SLC12A3: variants seen among roughly 807,000 people sequenced by gnomAD.
SLC12A3 encodes Na-Cl cotransporter.
Under a neutral mutation model 121.0 loss-of-function variants are expected in SLC12A3, and 104 were observed. The observed-to-expected ratio is 0.86, with a 90% CI of 0.73 to 1.01. The LOEUF is 1.01. SLC12A3 is among the 50% of genes least tolerant of loss of function. SLC12A3 has a pLI of 0.00. For missense variants in SLC12A3, 1,328 were observed against 1,356.3 expected (o/e 0.98, Z 0.33); for synonymous variants, 536 against 533.4 (o/e 1.00, Z -0.07).
chr16:56,897,900 C>T (rs925414675), intron 22 of SLC12A3, among the ~76,000 whole-genome samples: 2 of 152,170 alleles, frequency 1.3e-5, no homozygotes, highest in Admixed American at 6.5e-5. Context: ...ACAAATCTGC[C>T]CACGGCTCTG....
At chr16:56,872,889 A>T in intron 8 of SLC12A3, 103 bp downstream of exon 8, 1 of 1,496,886 alleles carries the variant, frequency 6.7e-7, no homozygotes, top group East Asian at 2.3e-5. Flanking sequence ...CCTGGGAGGC[A>T]GGGCTTCTAA....
At chr16:56,878,020 G>GTCCCTCCCTCCGTCTCTCCCTCCC (rs2055185649) in intron 8 of SLC12A3, 57 bp from the exon 9 acceptor site, 1 of 586,450 alleles carries the variant, frequency 1.7e-6, no homozygotes, top group South Asian at 2.0e-5. Context: ...AATGTCCTCC[G>GTCCCTCCCTCCGTCTCTCCCTCCC]TCCCTCCCTC....
rs1307520026 is a variant in SLC12A3 at position 56,893,119 on chromosome 16, C to T, written c.2521+65C>T. 1.2e-5 allele frequency: 16 copies of T among 1,312,712 alleles called. No individual in the cohort carries two copies. In the Admixed American group the frequency reaches 2.0e-4, roughly 16 times the overall value. The allele number at this position is 1,312,712 out of a possible 1,614,324, so 81.3% of individuals were successfully genotyped here. On this transcript the variant is annotated intron_variant, in intron 21 of 25. Coordinates refer to ENST00000563236, the MANE Select transcript of SLC12A3 (RefSeq NM_001126108.2). ...GGCGGGGTGGTGGTGGTCTTCCTTCCTTCTCCTTCCTGGCCTGCTCTCAAA... is the reference window on the plus strand; with the variant it reads ...GGCGGGGTGGTGGTGGTCTTCCTTCTTTCTCCTTCCTGGCCTGCTCTCAAA...
In SLC12A3 at chr16:56,878,263, G is replaced by A. The variant is rs142769105; in HGVS notation, c.1180+102G>A. 1,567 of 899,648 alleles carry A rather than the reference G, an allele frequency of 1.7e-3. 15 individuals are homozygous for A. In the African/African-American group the frequency reaches 0.021, roughly 12 times the overall value. 55.7% of individuals were successfully genotyped at this position (899,648 alleles called of 1,614,324 possible). A position where few individuals can be genotyped will look rare whatever the true frequency, so the allele number is the denominator to read the frequency against. On this transcript the variant is annotated intron_variant, in intron 9 of 25. Transcript: ENST00000563236. The stretch of plus-strand genomic sequence containing the variant: ...TGGAGGGGATCAGAGGGTGGGGTTC[G>A]ACTCTCTAACAACAGGGAGAGCTGG...
In SLC12A3 at chr16:56,892,079, G is replaced by A. The variant is rs1318096088; in HGVS notation, c.2369-4G>A. 2 of 1,612,498 alleles carry A rather than the reference G, an allele frequency of 1.2e-6. No homozygotes were observed. Among genetic ancestry groups the A allele is most frequent in the Admixed American group, 1.7e-5 (1 of 60,010 alleles). On this transcript the variant is annotated splice_polypyrimidine_tract_variant and splice_region_variant and intron_variant, in intron 19 of 25. Transcript: ENST00000563236. ...TGTGAACAAAGCTGCCTCTTCTTTT[G>A]CAGTTAACCCCGTGTTTGACCCAGC...
rs780175485 is a variant in SLC12A3 at position 56,893,005 on chromosome 16, G to C, written c.2472G>C (p.Ser824=). ...AGCAGGCCACCACCATCTTCCAGTCGGAGCAGGGCAAGAAGACCATAGACA... is the reference window on the plus strand; with the variant it reads ...AGCAGGCCACCACCATCTTCCAGTCCGAGCAGGGCAAGAAGACCATAGACA... ...KEEQATTIFQ[S]EQGKKTIDIY... is the part of the protein sequence containing the mutation. The change falls in exon 21 of 26, where the codon TCG becomes TCC. Residue 824 remains serine (S), a synonymous_variant. Transcript: ENST00000563236. The C allele has an allele frequency of 3.1e-6, 5 of 1,614,208 alleles. No homozygotes were observed. The highest frequency in any genetic ancestry group is 4.2e-6 in the Non-Finnish European group (5 of 1,180,012).
chr16:56,900,932 C>T (rs183135968), intron 23 of SLC12A3, among the ~76,000 whole-genome samples: 1 of 152,288 alleles, frequency 6.6e-6, no homozygotes, highest in East Asian at 1.9e-4. Flanking sequence ...AAGATGTTTG[C>T]ACTCTTTGTC....
chr16:56,869,431 G>A (rs917044676), intron 3 of SLC12A3, among the ~76,000 whole-genome samples: 2 of 152,082 alleles, frequency 1.3e-5, no homozygotes, highest in South Asian at 2.1e-4. Flanking sequence ...GGGTTCAAGC[G>A]ATTCTCCTGC....
chr16:56,890,124 C>T (rs2055368395), intron 18 of SLC12A3, 150 bp from the exon 19 acceptor site: 1 of 704,724 alleles, frequency 1.4e-6, no homozygotes, highest in Admixed American at 2.0e-5. Context: ...TCTGCCTGTA[C>T]AGGATACAGA....
At position 56,869,630 on chromosome 16, in the gene SLC12A3, G is replaced by A. The variant is rs1256738156; in HGVS notation, c.506-99G>A. ...TTTCAGATGAGAAAACTGAAGCTCAGAGAAGGGAGATGAACGTAGGTCGCA... is the reference window on the plus strand; with the variant it reads ...TTTCAGATGAGAAAACTGAAGCTCAAAGAAGGGAGATGAACGTAGGTCGCA... On this transcript the variant is annotated intron_variant, in intron 3 of 25. Transcript: ENST00000563236. 8.5e-6 allele frequency: 8 copies of A among 946,644 alleles called. No homozygotes were observed. In the East Asian group the frequency reaches 2.0e-4, roughly 24 times the overall value. The allele number at this position is 946,644 out of a possible 1,614,324, so 58.6% of individuals were successfully genotyped here.
chr16:56,871,505 T>C (rs1419890137), intron 6 of SLC12A3, among the ~76,000 whole-genome samples: 8 of 152,146 alleles, frequency 5.3e-5, no homozygotes, highest in East Asian at 1.9e-4. Context: ...CTGCAGCCTG[T>C]CCTCTCCCCG....
At chr16:56,867,237 G>C in intron 2 of SLC12A3, 21 bp downstream of exon 2, 1 of 1,594,152 alleles carries the variant, frequency 6.3e-7, no homozygotes, top group Non-Finnish European at 8.5e-7. Flanking sequence ...TGTGGGTGGT[G>C]CGTGATGTCC....
rs758788192 is a variant in SLC12A3, at chr16:56,872,325, C to T, written c.853-26C>T. 82 of 1,534,576 alleles carry T rather than the reference C, an allele frequency of 5.3e-5. No individual in the cohort carries two copies. In the South Asian group the frequency reaches 8.4e-4, roughly 16 times the overall value. ...AGAGAGGTAGAACAAAACTATCTGA[C>T]CTCTGGGGTCCTTCGCCCCCTCCAG... On this transcript the variant is annotated intron_variant, in intron 6 of 25. Coordinates refer to ENST00000563236, the MANE Select transcript of SLC12A3 (RefSeq NM_001126108.2).
At position 56,902,436 on chromosome 16, in the gene SLC12A3, C is replaced by T. The variant is rs1567446718; in HGVS notation, c.2784C>T (p.Ala928=). The change falls in exon 24 of 26, where the codon GCC becomes GCT. Residue 928 remains alanine, a synonymous_variant. Coordinates refer to ENST00000563236, the MANE Select transcript of SLC12A3 (RefSeq NM_001126108.2). ...TGAATGATGGCTTCAAGGATGAGGCCACTGTCAACGAGATGCGGCGGGACT... is the reference window on the plus strand; with the variant it reads ...TGAATGATGGCTTCAAGGATGAGGCTACTGTCAACGAGATGCGGCGGGACT... The part of the protein sequence containing the change: ...FRLNDGFKDE[A]TVNEMRRDCP... 5 of 1,611,788 alleles carry T rather than the reference C, an allele frequency of 3.1e-6. No individual in the cohort carries two copies. Among genetic ancestry groups the T allele is most frequent in the Non-Finnish European group, 4.2e-6 (5 of 1,179,086 alleles).
chr16:56,869,949 A>C (rs2055069330), intron 4 of SLC12A3, 125 bp downstream of exon 4: 1 of 1,366,654 alleles, frequency 7.3e-7, no homozygotes, highest in Admixed American at 1.7e-5. Context: ...AGAGGGCTCT[A>C]GGCAGGCTGT....
intron 21 of SLC12A3, among the ~76,000 whole-genome samples, chr16:56,893,859 C>T (rs1395191173): frequency 3.9e-5 from 6 of 152,142 alleles, no homozygotes; most frequent in African/African-American, 1.4e-4. Context: ...CTCACTGCAA[C>T]CTCCGCCTCC....
rs375919241 is a variant in SLC12A3, at chr16:56,890,361, G to T, written c.2368+5G>T. The stretch of plus-strand genomic sequence containing the variant: ...CCAAGATGATGCAGGCGCACAGTGA[G>T]TACATGCCCCACCCACTCCCAGAAA... On this transcript the variant is annotated splice_donor_5th_base_variant and intron_variant, in intron 19 of 25. Coordinates refer to ENST00000563236, the MANE Select transcript of SLC12A3 (RefSeq NM_001126108.2). The T allele has an allele frequency of 1.2e-5, 20 of 1,612,814 alleles. No homozygotes were observed. Among genetic ancestry groups the T allele is most frequent in the Non-Finnish European group, 1.6e-5 (19 of 1,178,830 alleles).
chr16:56,879,497 G>T, intron 10 of SLC12A3, 45 bp from the exon 11 acceptor site: 1 of 1,489,826 alleles, frequency 6.7e-7, no homozygotes. Flanking sequence ...GGGGGCTCCT[G>T]GCTCAGCCCC....
chr16:56,892,027 C>A, intron 19 of SLC12A3, 56 bp from the exon 20 acceptor site: 1 of 1,351,096 alleles, frequency 7.4e-7, no homozygotes, highest in South Asian at 1.2e-5. Flanking sequence ...AAGGAGGAAC[C>A]CACGGTGCCC....
Sources: gnomAD v4.1 joint callset for allele counts (sites outside exome capture counted in the v4.1 genomes callset) on GRCh38, gnomAD v4.1.1 for gene constraint, MANE v1.5 for transcripts, NCBI Gene and HGNC (gene_info 2026-07-23, HGNC 2026-07-21) for gene names.